CAMTA1: variants seen among roughly 807,000 people sequenced by gnomAD.
CAMTA1 encodes calmodulin binding transcription activator 1, also known as calmodulin-binding transcription activator 1.
CAMTA1 carries 27 observed loss-of-function variants against 170.9 expected under a neutral mutation model. That is an observed-to-expected ratio of 0.16 (90% confidence interval 0.12 to 0.22). The LOEUF (loss-of-function observed/expected upper bound fraction) is 0.22. CAMTA1 is among the 10% of genes least tolerant of loss of function. CAMTA1 has a pLI of 1.00. For synonymous variants in CAMTA1, 833 were observed against 891.5 expected (o/e 0.93, Z 1.17); for missense variants, 1,619 against 2,217.2 (o/e 0.73, Z 5.42).
At position 7,664,467 on chromosome 1, in the gene CAMTA1, C is replaced by G. The variant is rs1019109202; in HGVS notation, c.1920C>G (p.Gly640=). ...ACAGCAGCCTGAGTGACTCTGGGGG[C>G]ACCTTCGTGATGCCCACGGTGAAAA... ...NTHSSLSDSG[G]TFVMPTVKTE... The change falls in exon 9 of 23, where the codon GGC becomes GGG. Residue 640 remains glycine, a synonymous_variant. Coordinates refer to ENST00000303635, the MANE Select transcript of CAMTA1 (RefSeq NM_015215.4). 2 of 1,613,280 alleles carry G rather than the reference C, an allele frequency of 1.2e-6. No homozygotes were observed. Among genetic ancestry groups the G allele is most frequent in the Non-Finnish European group, 1.7e-6 (2 of 1,180,048 alleles).
chr1:7,255,222 C>G (rs769594627), intron 5 of CAMTA1, among the ~76,000 whole-genome samples: 1 of 151,786 alleles, frequency 6.6e-6, no homozygotes, highest in South Asian at 2.1e-4. Flanking sequence ...ACCACTGTGG[C>G]GCGTGTATAC....
chr1:7,054,301 C>T (rs1001741163), intron 3 of CAMTA1, among the ~76,000 whole-genome samples: 7 of 152,248 alleles, frequency 4.6e-5, no homozygotes, highest in Non-Finnish European at 8.8e-5. Context: ...AGAGGCCAGG[C>T]CGCCTCTGCA....
intron 4 of CAMTA1, among the ~76,000 whole-genome samples, chr1:7,131,324 C>A (rs2148537227): frequency 6.6e-6 from 1 of 152,184 alleles, no homozygotes; most frequent in Non-Finnish European, 1.5e-5. Flanking sequence ...AATTTGTTGA[C>A]TATTTTTTCA....
At chr1:7,654,633 TACAC>T (rs949128395) in intron 7 of CAMTA1, among the ~76,000 whole-genome samples, 5 of 129,124 alleles carry the variant, frequency 3.9e-5, no homozygotes, top group Non-Finnish European at 8.0e-5. Context: ...CACCCATCTA[TACAC>T]ACACAAGCAC....
At chr1:7,302,723 C>T (rs1674961479) in intron 5 of CAMTA1, among the ~76,000 whole-genome samples, 1 of 152,182 alleles carries the variant, frequency 6.6e-6, no homozygotes, top group African/African-American at 2.4e-5. Flanking sequence ...GGTCTTGCGT[C>T]TCAAGGGGAC....
intron 3 of CAMTA1, among the ~76,000 whole-genome samples, chr1:6,828,856 A>G (rs1241765966): frequency 6.6e-6 from 1 of 151,626 alleles, no homozygotes; most frequent in East Asian, 1.9e-4. Context: ...AAGGCCTACA[A>G]ACCTAAACTA....
rs55893283 is a variant in CAMTA1 at position 7,698,074 on chromosome 1, A to ACCCCCCC, written c.2914+20349_2914+20355dup. 4.2e-4 allele frequency among the ~76,000 whole-genome samples: 41 copies of ACCCCCCC among 98,628 alleles called. 2 individuals are homozygous for ACCCCCCC. The highest frequency in any genetic ancestry group is 7.0e-4 in the Non-Finnish European group (32 of 46,004). The allele number at this position is 98,628 out of a possible 152,430, so 64.7% of individuals were successfully genotyped here. ...CAGGTCATGCTGGCCACGCACTGTG[A>ACCCCCCC]CCCCCCCCCCCCCCACCAACATGGC... On this transcript the variant is annotated intron_variant, in intron 11 of 22. Coordinates refer to ENST00000303635, the MANE Select transcript of CAMTA1 (RefSeq NM_015215.4).
intron 3 of CAMTA1, among the ~76,000 whole-genome samples, chr1:7,088,813 T>C (rs569013498): frequency 1.3e-5 from 2 of 152,218 alleles, no homozygotes; most frequent in Admixed American, 6.5e-5. Flanking sequence ...GGATACCAGA[T>C]CTCCTGAAGT....
rs58610375 is a variant in CAMTA1 at position 6,879,613 on chromosome 1, C to CTTT, written c.234+54418_234+54420dup. Among the ~76,000 whole-genome samples, 17 of 132,862 alleles carry CTTT rather than the reference C, an allele frequency of 1.3e-4. 1 individual carries two copies. The South Asian group carries it at 2.0e-3, about 15-fold the overall frequency. The allele number at this position is 132,862 out of a possible 152,430, so 87.2% of individuals were successfully genotyped here. ...TTATAAAGGCTTCTTTTCCTTTTTT[C>CTTT]TTTTTTTTTTTTTTTTTGAGACAAG... On this transcript the variant is annotated intron_variant, in intron 3 of 22. Coordinates refer to ENST00000303635, the MANE Select transcript of CAMTA1 (RefSeq NM_015215.4).
chr1:7,466,629 G>A (rs538162296), intron 5 of CAMTA1, among the ~76,000 whole-genome samples: 38 of 152,314 alleles, frequency 2.5e-4, no homozygotes, highest in African/African-American at 8.7e-4. Flanking sequence ...AATGAGCAAG[G>A]AGAGGTGGGG....
chr1:7,313,335 A>T (rs954778574), intron 5 of CAMTA1, among the ~76,000 whole-genome samples: 3 of 152,022 alleles, frequency 2.0e-5, no homozygotes. Context: ...TCCTGGCGGT[A>T]CTCTGCTGCC....
intron 4 of CAMTA1, among the ~76,000 whole-genome samples, chr1:7,165,354 CAT>C (rs1255679024): frequency 3.3e-5 from 5 of 152,202 alleles, no homozygotes; most frequent in Non-Finnish European, 7.4e-5. Context: ...AGAAAGAAAA[CAT>C]AATGTATACA....
chr1:7,101,686 CAT>C (rs370534130), intron 4 of CAMTA1, among the ~76,000 whole-genome samples: 79 of 152,326 alleles, frequency 5.2e-4, no homozygotes, highest in African/African-American at 1.6e-3. Flanking sequence ...CATGTAGACA[CAT>C]ATGTGCGTGC....
At position 7,664,245 on chromosome 1, in the gene CAMTA1, C is replaced by A; in HGVS notation, c.1698C>A (p.Ser566=). ...AASSLTLTAG[S]SLLPSGGGLS... ...GCTCCCTCACCCTGACCGCCGGCTC[C>A]AGCCTCCTGCCGTCGGGCGGCGGCC... The change falls in exon 9 of 23, where the codon TCC becomes TCA. Residue 566 remains serine (S), a synonymous_variant. Coordinates refer to ENST00000303635, the MANE Select transcript of CAMTA1 (RefSeq NM_015215.4). The A allele has an allele frequency of 6.2e-7, 1 of 1,612,688 alleles. No individual in the cohort carries two copies. Among genetic ancestry groups the A allele is most frequent in the African/African-American group, 1.3e-5 (1 of 75,064 alleles).
chr1:7,726,624 C>T (rs1171313757), intron 11 of CAMTA1, among the ~76,000 whole-genome samples: 1 of 152,188 alleles, frequency 6.6e-6, no homozygotes, highest in Non-Finnish European at 1.5e-5. Context: ...ATGTCTTCAA[C>T]AGGAGGCCAG....
chr1:7,180,994 A>G lies in CAMTA1; in HGVS notation c.303-68497A>G, dbSNP rs79772085. ...TTATAAACTTATAAATATTGAAGTA[A>G]AAGTGCTAAACAAATTATTCGTAAA... On this transcript the variant is annotated intron_variant, in intron 4 of 22. Transcript: ENST00000303635. 6.9e-3 allele frequency among the ~76,000 whole-genome samples: 1,048 copies of G among 152,354 alleles called. 9 individuals are homozygous for G. The highest frequency in any genetic ancestry group is 8.8e-3 in the Non-Finnish European group (597 of 68,030).
chr1:7,617,245 T>C (rs957505293), intron 6 of CAMTA1, among the ~76,000 whole-genome samples: 1 of 152,196 alleles, frequency 6.6e-6, no homozygotes, highest in African/African-American at 2.4e-5. Flanking sequence ...CTCTCAGTCC[T>C]GTCTTTAAAT....
chr1:7,417,441 G>A (rs745647554), intron 5 of CAMTA1, among the ~76,000 whole-genome samples: 3 of 152,092 alleles, frequency 2.0e-5, no homozygotes, highest in African/African-American at 4.8e-5. Context: ...CGAGCTTCCC[G>A]GCTGCTTTGT....
intron 3 of CAMTA1, among the ~76,000 whole-genome samples, chr1:6,997,677 T>TTTTTTTA (rs1697511666): frequency 7.3e-5 from 11 of 149,744 alleles, no homozygotes; most frequent in African/African-American, 1.2e-4. Context: ...TTTTTTTTTT[T>TTTTTTTA]GAGACAGAGT....
Sources: gnomAD v4.1 joint callset for allele counts (sites outside exome capture counted in the v4.1 genomes callset) on GRCh38, gnomAD v4.1.1 for gene constraint, MANE v1.5 for transcripts, NCBI Gene and HGNC (gene_info 2026-07-23, HGNC 2026-07-21) for gene names.